The following CRADD variants were observed in gnomAD, a reference collection of about 807,000 sequenced individuals.
CRADD encodes death domain-containing protein CRADD.
CRADD carries 9 observed loss-of-function variants against 15.5 expected under a neutral mutation model. The observed-to-expected ratio is 0.58, with a 90% CI of 0.35 to 1.01. The LOEUF is 1.01. CRADD is among the 50% of genes least tolerant of loss of function. The pLI is 0.02. For synonymous variants in CRADD, 118 were observed against 107.6 expected (o/e 1.10, Z -0.60); for missense variants, 227 against 250.3 (o/e 0.91, Z 0.63).
At chr12:93,892,537 G>A (rs1180041292) in intron 2 of CRADD, among the ~76,000 whole-genome samples, 8 of 151,856 alleles carry the variant, frequency 5.3e-5, no homozygotes, top group Admixed American at 5.3e-4. Flanking sequence ...TTGTTCCTTT[G>A]TTTGGTTCGG....
chr12:93,742,893 G>A (rs369650011), intron 2 of CRADD, among the ~76,000 whole-genome samples: 10 of 151,934 alleles, frequency 6.6e-5, no homozygotes, highest in Non-Finnish European at 1.5e-4. Flanking sequence ...TTATCAGGAG[G>A]GGGGTCAGGC....
At chr12:93,704,697 C>T (rs1410722596) in intron 2 of CRADD, among the ~76,000 whole-genome samples, 1 of 152,248 alleles carries the variant, frequency 6.6e-6, no homozygotes, top group African/African-American at 2.4e-5. Context: ...TTACATTGCA[C>T]TGAGAATCAG....
chr12:93,800,846 C>T (rs546683102), intron 2 of CRADD, among the ~76,000 whole-genome samples: 18 of 152,194 alleles, frequency 1.2e-4, no homozygotes, highest in African/African-American at 2.7e-4. Context: ...AATAATGTTT[C>T]GCCAGCTATC....
Position 93,846,957 on chromosome 12 carries a change from G to A in CRADD, c.299-3013G>A, listed in dbSNP as rs149192664. Among the ~76,000 whole-genome samples the A allele has an allele frequency of 1.1e-4, 17 of 152,072 alleles. No homozygotes were observed. In the East Asian group the frequency reaches 3.1e-3, roughly 28 times the overall value. ...CTACTAAAAATACAAAAAAAAATTAGCCAGGCATGGTAGTAGGCACCTGTA... is the reference window on the plus strand; with the variant it reads ...CTACTAAAAATACAAAAAAAAATTAACCAGGCATGGTAGTAGGCACCTGTA... On this transcript the variant is annotated intron_variant, in intron 2 of 2. Coordinates refer to ENST00000332896, the MANE Select transcript of CRADD (RefSeq NM_003805.5).
chr12:93,698,349 C>T (rs1955760691), intron 2 of CRADD, among the ~76,000 whole-genome samples: 2 of 152,116 alleles, frequency 1.3e-5, no homozygotes, highest in Admixed American at 6.5e-5. Flanking sequence ...TAGAAGATTA[C>T]GAGTATGTGT....
rs149020155 is a variant in CRADD at position 93,728,795 on chromosome 12, G to C, written c.298+49723G>C. The stretch of plus-strand genomic sequence containing the variant: ...ATGGAATCCAGCAAAACAGAAAAAG[G>C]ATAATATATCATTACCAAATGGGAT... On this transcript the variant is annotated intron_variant, in intron 2 of 2. Transcript: ENST00000332896. Among the ~76,000 whole-genome samples the C allele has an allele frequency of 2.2e-3, 332 of 152,258 alleles. 2 individuals carry two copies. The highest frequency in any genetic ancestry group is 7.7e-3 in the African/African-American group (318 of 41,552).
rs544159440 is a variant in CRADD, at chr12:93,850,217, C to T, written c.546C>T (p.Asn182=). Residue 182 remains asparagine, a synonymous_variant, in exon 3 of 3, where the codon AAC becomes AAT. Coordinates refer to ENST00000332896, the MANE Select transcript of CRADD (RefSeq NM_003805.5). This position sits in a 1 kb window ranked among gnomAD's most constrained non-coding sequence, Gnocchi z 4.0. The stretch of plus-strand genomic sequence containing the variant: ...AGGCCACCTTCCAGAGCCTGCACAA[C>T]GGGCTGCGGGCTGTGGAGGTGGACC... ...GKQATFQSLH[N]GLRAVEVDPS... 4.2e-5 allele frequency: 68 copies of T among 1,611,332 alleles called. No individual in the cohort carries two copies. The highest frequency in any genetic ancestry group is 1.3e-4 in the Admixed American group (8 of 59,758).
chr12:93,890,998 C>T (rs1279899045), intron 2 of CRADD, among the ~76,000 whole-genome samples: 2 of 151,776 alleles, frequency 1.3e-5, no homozygotes, highest in Non-Finnish European at 2.9e-5. Flanking sequence ...ATCCATCTGC[C>T]TCAGCCTCCC....
chr12:93,793,510 C>T (rs1311778133), intron 2 of CRADD, among the ~76,000 whole-genome samples: 1 of 152,156 alleles, frequency 6.6e-6, no homozygotes, highest in South Asian at 2.1e-4. Context: ...ACAGTTCATA[C>T]ATTTTATTAA....
intron 2 of CRADD, among the ~76,000 whole-genome samples, chr12:93,811,181 A>G (rs915067565): frequency 1.3e-5 from 2 of 152,226 alleles, no homozygotes. Flanking sequence ...ATGATAATGC[A>G]AAGTTTAATA....
At chr12:93,818,259 G>T (rs1035113542) in intron 2 of CRADD, among the ~76,000 whole-genome samples, 20 of 152,208 alleles carry the variant, frequency 1.3e-4, no homozygotes, top group Middle Eastern at 3.2e-3. Flanking sequence ...TGGAAACAGA[G>T]CTAGGAGACT....
At chr12:93,734,621 A>G (rs1956530968) in intron 2 of CRADD, among the ~76,000 whole-genome samples, 1 of 152,194 alleles carries the variant, frequency 6.6e-6, no homozygotes, top group Non-Finnish European at 1.5e-5. Flanking sequence ...TCTTAGAATG[A>G]GATTTGAAAT....
chr12:93,840,471 T>C (rs1402961242), intron 2 of CRADD, among the ~76,000 whole-genome samples: 1 of 152,226 alleles, frequency 6.6e-6, no homozygotes, highest in Non-Finnish European at 1.5e-5. Context: ...AATCCTGATA[T>C]TTTTCTATGT....
At chr12:93,711,234 A>C (rs1263694511) in intron 2 of CRADD, among the ~76,000 whole-genome samples, 2 of 151,916 alleles carry the variant, frequency 1.3e-5, no homozygotes, top group Non-Finnish European at 2.9e-5. Context: ...TAAACTCAGG[A>C]AAAGAAGCAA....
At chr12:93,856,305 T>G (rs17021639) in intron 2 of CRADD, among the ~76,000 whole-genome samples, 4 of 152,232 alleles carry the variant, frequency 2.6e-5, no homozygotes, top group African/African-American at 9.6e-5. Flanking sequence ...ATCTAACAGT[T>G]GTCTACCATT....
At chr12:93,718,232 A>G (rs560760222) in intron 2 of CRADD, among the ~76,000 whole-genome samples, 1 of 152,122 alleles carries the variant, frequency 6.6e-6, no homozygotes, top group South Asian at 2.1e-4. Context: ...TTTTGTTGGG[A>G]TTGCATTGAA....
intron 2 of CRADD, among the ~76,000 whole-genome samples, chr12:93,839,257 A>G (rs1442253455): frequency 2.6e-5 from 4 of 152,148 alleles, no homozygotes; most frequent in African/African-American, 9.7e-5. Context: ...TTCTTCCGAC[A>G]GTATTACCTC....
chr12:93,737,025 C>G (rs1283931663), intron 2 of CRADD, among the ~76,000 whole-genome samples: 4 of 152,086 alleles, frequency 2.6e-5, no homozygotes, highest in Non-Finnish European at 5.9e-5. Context: ...CTGGTGAGAC[C>G]ACATAGAGAA....
chr12:93,839,018 C>T (rs1958016967), intron 2 of CRADD, among the ~76,000 whole-genome samples: 1 of 152,074 alleles, frequency 6.6e-6, no homozygotes. Flanking sequence ...AACGATCCAC[C>T]CGCCTCGACC....
Sources: gnomAD v4.1 joint callset for allele counts (sites outside exome capture counted in the v4.1 genomes callset) on GRCh38, gnomAD v4.1.1 for gene constraint, Gnocchi (gnomAD v3.1) non-coding constraint, MANE v1.5 for transcripts, NCBI Gene and HGNC (gene_info 2026-07-23, HGNC 2026-07-21) for gene names.